UBAC2: variants seen among roughly 807,000 people sequenced by gnomAD.
UBAC2 encodes ubiquitin-associated domain-containing protein 2.
UBAC2 carries 26 observed loss-of-function variants against 44.0 expected under a neutral mutation model. The observed-to-expected ratio is 0.59, with a 90% CI of 0.43 to 0.82. The LOEUF (loss-of-function observed/expected upper bound fraction) is 0.82. Among genes scored for constraint, UBAC2 ranks in the 40% least tolerant of loss-of-function variants. UBAC2 has a pLI of 0.00. For missense variants in UBAC2, 329 were observed against 419.4 expected (o/e 0.78, Z 1.88); for synonymous variants, 155 against 154.3 (o/e 1.00, Z -0.04).
At chr13:99,329,808 A>G (rs1311057176) in intron 6 of UBAC2, among the ~76,000 whole-genome samples, 1 of 152,210 alleles carries the variant, frequency 6.6e-6, no homozygotes, top group Admixed American at 6.5e-5. Flanking sequence ...CAGCCTCATG[A>G]GAGACCTTGA....
chr13:99,382,957 C>G (rs952371687), intron 8 of UBAC2, among the ~76,000 whole-genome samples: 1 of 152,158 alleles, frequency 6.6e-6, no homozygotes, highest in African/African-American at 2.4e-5. Flanking sequence ...GTCACACCCG[C>G]AAAGTGCTTT....
At chr13:99,246,729 G>T (rs1262118230) in intron 4 of UBAC2, among the ~76,000 whole-genome samples, 1 of 152,146 alleles carries the variant, frequency 6.6e-6, no homozygotes, top group African/African-American at 2.4e-5. Context: ...CTCAGAAGAG[G>T]GAAGGGATTT....
At chr13:99,237,271 T>TATACACACACACACACACAC (rs374683969) in intron 1 of UBAC2, among the ~76,000 whole-genome samples, 1 of 144,928 alleles carries the variant, frequency 6.9e-6, no homozygotes, top group East Asian at 2.0e-4. Flanking sequence ...TATATATATA[T>TATACACACACACACACACAC]ACACACACAC....
chr13:99,350,461 T>C (rs1314349211), intron 7 of UBAC2, among the ~76,000 whole-genome samples: 1 of 152,194 alleles, frequency 6.6e-6, no homozygotes, highest in Non-Finnish European at 1.5e-5. Context: ...GCCAGTGATA[T>C]AATCAATTAT....
chr13:99,244,783 A>T (rs2142741842), intron 4 of UBAC2, among the ~76,000 whole-genome samples, 159 bp downstream of exon 4: 1 of 151,846 alleles, frequency 6.6e-6, no homozygotes, highest in Admixed American at 6.6e-5. Flanking sequence ...CTACATTTTT[A>T]TTATGTTCTT....
chr13:99,305,913 C>T (rs533105869), intron 4 of UBAC2, among the ~76,000 whole-genome samples: 22 of 151,254 alleles, frequency 1.5e-4, no homozygotes, highest in Non-Finnish European at 2.4e-4. Context: ...ATTTATCTAT[C>T]GAGACAGAGT....
chr13:99,307,710 A>C (rs1219850438), intron 4 of UBAC2, among the ~76,000 whole-genome samples: 1 of 150,242 alleles, frequency 6.7e-6, no homozygotes, highest in Non-Finnish European at 1.5e-5. Flanking sequence ...AACCTTAACC[A>C]AAAAAAAGAC....
At chr13:99,334,429 G>A (rs970559911) in intron 6 of UBAC2, among the ~76,000 whole-genome samples, 4 of 152,078 alleles carry the variant, frequency 2.6e-5, no homozygotes, top group African/African-American at 4.8e-5. Context: ...TTCATTCAAC[G>A]TCTTTTCATT....
intron 4 of UBAC2, among the ~76,000 whole-genome samples, chr13:99,290,742 AAAG>A (rs1469364393): frequency 2.5e-4 from 37 of 150,266 alleles, no homozygotes; most frequent in Admixed American, 4.0e-4. Context: ...AAAAAAAAAA[AAAG>A]AAAGAAAGAA....
intron 4 of UBAC2, among the ~76,000 whole-genome samples, chr13:99,259,110 C>T (rs1218601619): frequency 6.6e-6 from 1 of 152,048 alleles, no homozygotes; most frequent in African/African-American, 2.4e-5. Flanking sequence ...AGTGTTTTCA[C>T]CTAAGAAGGG....
intron 6 of UBAC2, among the ~76,000 whole-genome samples, chr13:99,321,223 A>T (rs1022717411): frequency 6.6e-6 from 1 of 152,228 alleles, no homozygotes; most frequent in African/African-American, 2.4e-5. Context: ...AGAAACCAAA[A>T]ACTTTACTCA....
At chr13:99,365,110 G>A (rs1020966566) in intron 7 of UBAC2, among the ~76,000 whole-genome samples, 4 of 152,126 alleles carry the variant, frequency 2.6e-5, no homozygotes, top group Non-Finnish European at 5.9e-5. Flanking sequence ...AAAGTTATTG[G>A]TATGAATAAA....
intron 8 of UBAC2, among the ~76,000 whole-genome samples, chr13:99,373,362 A>G (rs909967469): frequency 6.6e-6 from 1 of 152,172 alleles, no homozygotes; most frequent in Non-Finnish European, 1.5e-5. Context: ...CAGACAAGAA[A>G]GTTAAATAAG....
intron 8 of UBAC2, chr13:99,377,749 A>G (rs1938364042): frequency 6.6e-6 from 1 of 152,222 alleles, no homozygotes; most frequent in Non-Finnish European, 1.5e-5. Context: ...GCTGCCCTCC[A>G]TAGGAGAATA....
At chr13:99,215,683 A>G in intron 1 of UBAC2, 1 of 1,497,540 alleles carries the variant, frequency 6.7e-7, no homozygotes, top group Non-Finnish European at 9.0e-7. Flanking sequence ...GGGAACTGCA[A>G]GCCGGCTCTC....
At chr13:99,254,346 G>T (rs143965754) in intron 4 of UBAC2, among the ~76,000 whole-genome samples, 16 of 152,304 alleles carry the variant, frequency 1.1e-4, no homozygotes, top group African/African-American at 3.1e-4. Context: ...TTAAAAGAAT[G>T]AATTCAGAGT....
chr13:99,352,859 G>A (rs9300538), intron 7 of UBAC2, among the ~76,000 whole-genome samples: 26,311 of 152,128 alleles, frequency 0.17, 2,465 homozygotes, highest in Middle Eastern at 0.23. Context: ...AGGCAGCACC[G>A]TCGGAAACTC....
intron 1 of UBAC2, among the ~76,000 whole-genome samples, chr13:99,209,372 C>T (rs2042912903): frequency 6.6e-6 from 1 of 152,220 alleles, no homozygotes; most frequent in Non-Finnish European, 1.5e-5. Context: ...GACTGCCTTG[C>T]AATCACTCTT....
At chr13:99,241,781 G>A (rs924464492) in intron 2 of UBAC2, among the ~76,000 whole-genome samples, 2 of 132,178 alleles carry the variant, frequency 1.5e-5, no homozygotes, top group Non-Finnish European at 3.1e-5. Context: ...GGTGTTTCTC[G>A]CACAGGGGGA....
Sources: gnomAD v4.1 joint callset for allele counts (sites outside exome capture counted in the v4.1 genomes callset) on GRCh38, gnomAD v4.1.1 for gene constraint, MANE v1.5 for transcripts, NCBI Gene and HGNC (gene_info 2026-07-23, HGNC 2026-07-21) for gene names.